The following SRBD1 variants were observed in gnomAD, a reference collection of about 807,000 sequenced individuals.
SRBD1 encodes S1 RNA binding domain 1.
Under a neutral mutation model 115.3 loss-of-function variants are expected in SRBD1, and 88 were observed. The observed-to-expected ratio is 0.76, with a 90% CI of 0.64 to 0.91. The LOEUF is 0.91. Among genes scored for constraint, SRBD1 ranks in the 40% least tolerant of loss-of-function variants. The pLI is 0.00. For synonymous variants in SRBD1, 509 were observed against 407.7 expected (o/e 1.25, Z -2.99); for missense variants, 1,385 against 1,177.4 (o/e 1.18, Z -2.58).
rs545849844 is a variant in SRBD1, at chr2:45,418,418, T to C, written c.2280A>G (p.Gln760=). ...TGATTCTGATGAAGCCAGCACACTGTTGGAAGGATTTTGGGCCCAGCCCTT... is the reference window on the plus strand; with the variant it reads ...TGATTCTGATGAAGCCAGCACACTGCTGGAAGGATTTTGGGCCCAGCCCTT... ...KVKGLGPKSF[Q]QCAGFIRINQ... Residue 760 remains glutamine, a synonymous_variant, in exon 18 of 21, where the codon CAA becomes CAG. Transcript: ENST00000263736. 1.2e-5 allele frequency: 19 copies of C among 1,613,900 alleles called. No homozygotes were observed. The African/African-American group carries it at 1.2e-4, about 10-fold the overall frequency.
intron 14 of SRBD1, among the ~76,000 whole-genome samples, chr2:45,507,540 T>C (rs1670834235): frequency 6.6e-6 from 1 of 151,890 alleles, no homozygotes. Context: ...GCCAACATGA[T>C]GAAACCCCAT....
At position 45,599,789 on chromosome 2, in the gene SRBD1, T is replaced by A. The variant is rs764687900; in HGVS notation, c.308A>T (p.Asn103Ile). The A allele has an allele frequency of 5.6e-6, 9 of 1,613,994 alleles. No individual in the cohort carries two copies. The highest frequency in any genetic ancestry group is 7.6e-6 in the Non-Finnish European group (9 of 1,180,018). Reference sequence around the variant, plus strand: ...CAGAGTCTGTACAGTATCCAATTTATTTTTTCTGTCTTCTAAAGCAGTATC... The same window carrying A: ...CAGAGTCTGTACAGTATCCAATTTAATTTTTCTGTCTTCTAAAGCAGTATC... ...IADTALEDRK[N>I]KLDTVQTLKT... Residue 103 changes from asparagine (N) to isoleucine (I), a missense_variant, in exon 4 of 21, where the codon AAT becomes ATT. Physicochemically the swap from Asn to Ile is moderately radical, Grantham distance 149. Coordinates refer to ENST00000263736, the MANE Select transcript of SRBD1 (RefSeq NM_018079.5).
At chr2:45,539,101 A>G (rs544550048) in intron 14 of SRBD1, among the ~76,000 whole-genome samples, 19 of 152,234 alleles carry the variant, frequency 1.2e-4, no homozygotes, top group African/African-American at 4.6e-4. Context: ...AAAATAGCAA[A>G]TTTTACATTT....
At chr2:45,454,178 G>C (rs971964135) in intron 16 of SRBD1, among the ~76,000 whole-genome samples, 3 of 151,748 alleles carry the variant, frequency 2.0e-5, no homozygotes, top group African/African-American at 7.2e-5. Flanking sequence ...TCTTGCCTAA[G>C]ATTTTATTTG....
At chr2:45,540,899 G>A (rs544339739) in intron 14 of SRBD1, among the ~76,000 whole-genome samples, 82 of 152,328 alleles carry the variant, frequency 5.4e-4, no homozygotes, top group African/African-American at 1.8e-3. Flanking sequence ...ATTCCATTGA[G>A]GATACAGAGA....
rs1028063241 is a variant in SRBD1 at position 45,413,394 on chromosome 2, G to T, written c.2334-101C>A. ...TTACTTCTCTGTCATACAAATATGC[G>T]AAAACAGCAACCAGATTTTGACCTT... is the stretch of plus-strand genomic sequence containing the variant. On this transcript the variant is annotated intron_variant, in intron 18 of 20. Transcript: ENST00000263736. The T allele has an allele frequency of 1.4e-5, 19 of 1,337,420 alleles. No homozygotes were observed. In the South Asian group the frequency reaches 2.8e-4, roughly 20 times the overall value. The allele number at this position is 1,337,420 out of a possible 1,614,324, so 82.8% of individuals were successfully genotyped here. A position where few individuals can be genotyped will look rare whatever the true frequency, so the allele number is the denominator to read the frequency against.
chr2:45,391,099 G>C (rs950581162), intron 20 of SRBD1, among the ~76,000 whole-genome samples: 2 of 152,078 alleles, frequency 1.3e-5, no homozygotes, highest in Non-Finnish European at 2.9e-5. Context: ...GGGAGGTCCA[G>C]CTGCTGCAGA....
At chr2:45,421,506 CAAACAAAAAAAAAAAAAAAAAAAAAA>C (rs1668003945) in intron 16 of SRBD1, among the ~76,000 whole-genome samples, 14 of 48,084 alleles carry the variant, frequency 2.9e-4, no homozygotes, top group African/African-American at 8.0e-5. Flanking sequence ...GACTCCGTCT[CAAACAAAAAAAAAAAAAAAAAAAAAA>C]AAAAAAAAAA....
intron 14 of SRBD1, among the ~76,000 whole-genome samples, chr2:45,508,047 G>A (rs553361350): frequency 2.8e-4 from 42 of 152,208 alleles, no homozygotes; most frequent in Middle Eastern, 3.4e-3. Flanking sequence ...AAGCCTGACC[G>A]ATAGATATTT....
intron 16 of SRBD1, among the ~76,000 whole-genome samples, chr2:45,428,184 G>C (rs765966050): frequency 6.6e-6 from 1 of 152,108 alleles, no homozygotes; most frequent in Non-Finnish European, 1.5e-5. Context: ...TTAGAACTCA[G>C]GATTAAGAAA....
At chr2:45,394,061 A>C (rs1462303639) in intron 19 of SRBD1, among the ~76,000 whole-genome samples, 1 of 152,110 alleles carries the variant, frequency 6.6e-6, no homozygotes, top group African/African-American at 2.4e-5. Flanking sequence ...TATCAAAAAG[A>C]AAAAGTAACT....
intron 16 of SRBD1, among the ~76,000 whole-genome samples, chr2:45,429,267 A>G (rs1027198634): frequency 1.3e-5 from 2 of 152,208 alleles, no homozygotes; most frequent in East Asian, 3.8e-4. Context: ...AACAACAGAA[A>G]AAGACGGACT....
At position 45,546,112 on chromosome 2, in the gene SRBD1, T is replaced by G. The variant is rs1343125153; in HGVS notation, c.1874+620A>C. Reference sequence around the variant, plus strand: ...ATAGTTTGGAAAAGGAAGACATGACTATTGAGATCCAAAGAGGAAGTAGGG... The same window carrying G: ...ATAGTTTGGAAAAGGAAGACATGACGATTGAGATCCAAAGAGGAAGTAGGG... On this transcript the variant is annotated intron_variant, in intron 14 of 20. Coordinates refer to ENST00000263736, the MANE Select transcript of SRBD1 (RefSeq NM_018079.5). The G allele has an allele frequency of 3.1e-6, 3 of 954,542 alleles. No homozygotes were observed. The East Asian group carries it at 3.5e-4, about 110-fold the overall frequency. 59.1% of individuals were successfully genotyped at this position (954,542 alleles called of 1,614,324 possible).
chr2:45,554,929 G>T (rs778637053), intron 10 of SRBD1, among the ~76,000 whole-genome samples: 1 of 152,148 alleles, frequency 6.6e-6, no homozygotes, highest in South Asian at 2.1e-4. Context: ...TTCAGGTCCT[G>T]TGTACCAATG....
intron 9 of SRBD1, among the ~76,000 whole-genome samples, chr2:45,566,697 T>C (rs150190487): frequency 1.4e-3 from 213 of 152,286 alleles, no homozygotes; most frequent in African/African-American, 4.9e-3. Context: ...TATTAGAAAA[T>C]TAAAACACTC....
chr2:45,481,727 G>T (rs1444037603), intron 15 of SRBD1, among the ~76,000 whole-genome samples: 1 of 151,944 alleles, frequency 6.6e-6, no homozygotes, highest in African/African-American at 2.4e-5. Context: ...TCTATCAACT[G>T]ATGACTAAAC....
Position 45,550,253 on chromosome 2 carries a change from T to C in SRBD1, c.1675+872A>G, listed in dbSNP as rs117272488. On this transcript the variant is annotated intron_variant, in intron 12 of 20. Transcript: ENST00000263736. ...AGAGAAGAAACTGAAAGGTATAATA[T>C]GTATGTAATTGGAGTTCCAGAAAGA... Among the ~76,000 whole-genome samples, 150 of 152,156 alleles carry C rather than the reference T, an allele frequency of 9.9e-4. 3 individuals carry two copies. In the East Asian group the frequency reaches 0.022, roughly 22 times the overall value.
At chr2:45,451,556 T>A (rs1363086812) in intron 16 of SRBD1, among the ~76,000 whole-genome samples, 2 of 151,998 alleles carry the variant, frequency 1.3e-5, no homozygotes, top group Non-Finnish European at 2.9e-5. Context: ...GAGAAAATAC[T>A]CTGCAGAAGA....
Position 45,580,024 on chromosome 2 carries a change from A to G in SRBD1, c.934-11T>C. The G allele has an allele frequency of 6.6e-7, 1 of 1,508,120 alleles. No individual in the cohort carries two copies. The highest frequency in any genetic ancestry group is 8.9e-7 in the Non-Finnish European group (1 of 1,127,410). The allele number at this position is 1,508,120 out of a possible 1,614,324, so 93.4% of individuals were successfully genotyped here. ...TTTATATGGAGCAGACTAGAAAATA[A>G]AGACAGAAAACATATGATTATGTTT... On this transcript the variant is annotated splice_polypyrimidine_tract_variant and intron_variant, in intron 6 of 20. Coordinates refer to ENST00000263736, the MANE Select transcript of SRBD1 (RefSeq NM_018079.5).
Sources: gnomAD v4.1 joint callset for allele counts (sites outside exome capture counted in the v4.1 genomes callset) on GRCh38, gnomAD v4.1.1 for gene constraint, MANE v1.5 for transcripts, NCBI Gene and HGNC (gene_info 2026-07-23, HGNC 2026-07-21) for gene names.